Variants in FRMD3 observed in about 807,000 individuals in gnomAD.
FRMD3 encodes FERM domain-containing protein 3.
Under a neutral mutation model 70.2 loss-of-function variants are expected in FRMD3, and 33 were observed. The ratio of observed to expected loss-of-function variants is 0.47; its 90% CI spans 0.36 to 0.63. FRMD3 has a LOEUF of 0.63. Among genes scored for constraint, FRMD3 ranks in the 20% least tolerant of loss-of-function variants. The pLI, the probability that FRMD3 is intolerant of heterozygous loss-of-function variation, is 0.00. For missense variants in FRMD3, 632 were observed against 711.4 expected, an observed-to-expected ratio of 0.89 and a Z score of 1.27; for synonymous variants, 279 against 255.9, an observed-to-expected ratio of 1.09 and a Z score of -0.86.
At chr9:83,351,698 T>TAGAC (rs1824167455) in intron 3 of FRMD3, among the ~76,000 whole-genome samples, 1 of 151,138 alleles carries the variant, frequency 6.6e-6, no homozygotes, top group African/African-American at 2.4e-5. Flanking sequence ...GATAGATAGA[T>TAGAC]AGATAGATAG....
chr9:83,582,791 G>A, the FRMD3 span, among the ~76,000 whole-genome samples: 20 of 152,290 alleles, frequency 1.3e-4, 1 homozygote, highest in East Asian at 3.9e-3. Flanking sequence ...TATTTATGGT[G>A]TCAGTGACTC....
chr9:83,416,850 T>C (rs71498495), intron 1 of FRMD3, among the ~76,000 whole-genome samples: 1,522 of 149,840 alleles, frequency 0.01, 12 homozygotes, highest in Non-Finnish European at 0.016. Context: ...GCAGGAATAG[T>C]GTTCACTATG....
At position 83,538,030 on chromosome 9, in the gene FRMD3, C is replaced by T. The variant is rs1829937616; in HGVS notation, c.147+55G>A. 1 of 1,587,062 alleles carries T rather than the reference C, an allele frequency of 6.3e-7. No homozygotes were observed. Among genetic ancestry groups the T allele is most frequent in the South Asian group, 1.1e-5 (1 of 88,576 alleles). On this transcript the variant is annotated intron_variant, in intron 1 of 13. Transcript: ENST00000304195. The surrounding 1 kb of genome is among the most constrained non-coding windows in gnomAD (Gnocchi z 4.7). ...TGTTCTCGCATGCCCACCGCAAAGG[C>T]CCCCCGCCCTGCTCCCGGCGTGTGC...
intron 1 of FRMD3, among the ~76,000 whole-genome samples, chr9:83,492,410 T>A (rs1163988749): frequency 6.6e-6 from 1 of 152,044 alleles, no homozygotes; most frequent in Non-Finnish European, 1.5e-5. Flanking sequence ...GTTTGGGGAA[T>A]TTTTTTTACC....
chr9:83,512,391 A>G (rs1307127303), intron 1 of FRMD3, among the ~76,000 whole-genome samples: 1 of 152,200 alleles, frequency 6.6e-6, no homozygotes, highest in Admixed American at 6.5e-5. Flanking sequence ...CAAGTTAATG[A>G]ACAACCATAA....
chr9:83,309,684 G>T, intron 9 of FRMD3, 60 bp from the exon 10 acceptor site: 1 of 1,098,356 alleles, frequency 9.1e-7, no homozygotes, highest in Non-Finnish European at 1.3e-6. Context: ...ATTTTCCATG[G>T]GTTTTTTTTT....
intron 1 of FRMD3, among the ~76,000 whole-genome samples, chr9:83,442,591 C>A (rs1386077587): frequency 6.6e-6 from 1 of 151,862 alleles, no homozygotes; most frequent in Non-Finnish European, 1.5e-5. Flanking sequence ...GGAAAGCCAA[C>A]GTATAAAATT....
rs148699087 is a variant in FRMD3, at chr9:83,477,066, G to A, written c.147+61019C>T. On this transcript the variant is annotated intron_variant, in intron 1 of 13. Transcript: ENST00000304195. ...AACAATAAGTAAAATCAACTCAATG[G>A]TTATGAGTCTAGAATGCTGCTACTC... Among the ~76,000 whole-genome samples the A allele has an allele frequency of 4.0e-3, 610 of 152,266 alleles. 5 individuals carry two copies. Among genetic ancestry groups the A allele is most frequent in the African/African-American group, 0.014 (587 of 41,548 alleles).
At chr9:83,556,702 A>T in the FRMD3 span, among the ~76,000 whole-genome samples, 1 of 152,046 alleles carries the variant, frequency 6.6e-6, no homozygotes, top group Admixed American at 6.6e-5. Flanking sequence ...GTATTTCTAA[A>T]AATAATAATA....
At chr9:83,278,385 G>C (rs1416688899) in intron 13 of FRMD3, among the ~76,000 whole-genome samples, 2 of 152,286 alleles carry the variant, frequency 1.3e-5, no homozygotes, top group Admixed American at 1.3e-4. Flanking sequence ...TGGATGAGAG[G>C]ATGGGGATAG....
Position 83,246,841 on chromosome 9 carries a change from A to C in FRMD3, c.*1077T>G, listed in dbSNP as rs1832129829. On this transcript the variant is annotated 3_prime_UTR_variant, in exon 14 of 14. Coordinates refer to ENST00000304195, the MANE Select transcript of FRMD3 (RefSeq NM_174938.6). ...TCAGACAGCGACTGCACTGCTCTTC[A>C]CATCATCGAACGCTGGCATCACCAT... 2.0e-6 allele frequency: 2 copies of C among 985,378 alleles called. No individual in the cohort carries two copies. 61.0% of individuals were successfully genotyped at this position (985,378 alleles called of 1,614,324 possible). A position where few individuals can be genotyped will look rare whatever the true frequency, so the allele number is the denominator to read the frequency against.
chr9:83,350,532 A>C (rs1824112918), intron 3 of FRMD3, among the ~76,000 whole-genome samples: 1 of 149,320 alleles, frequency 6.7e-6, no homozygotes, highest in Non-Finnish European at 1.5e-5. Flanking sequence ...CTGAGGCAGG[A>C]GAATTGCTTG....
At chr9:83,349,004 AT>A (rs1252332420) in intron 4 of FRMD3, among the ~76,000 whole-genome samples, 1 of 152,206 alleles carries the variant, frequency 6.6e-6, no homozygotes, top group Non-Finnish European at 1.5e-5. Flanking sequence ...ATAGCAAGTG[AT>A]TTTTGTGGTC....
intron 1 of FRMD3, among the ~76,000 whole-genome samples, chr9:83,483,271 T>C (rs1828610794): frequency 6.6e-6 from 1 of 152,186 alleles, no homozygotes; most frequent in South Asian, 2.1e-4. Flanking sequence ...TGCTTCCCCT[T>C]TGCCCTTCTG....
chr9:83,390,064 T>C (rs958338176), intron 1 of FRMD3, among the ~76,000 whole-genome samples: 1 of 152,226 alleles, frequency 6.6e-6, no homozygotes, highest in Non-Finnish European at 1.5e-5. Flanking sequence ...GAAACTCTCA[T>C]GTAACACATA....
At chr9:83,260,743 G>A (rs1283969354) in intron 13 of FRMD3, among the ~76,000 whole-genome samples, 1 of 152,028 alleles carries the variant, frequency 6.6e-6, no homozygotes, top group Non-Finnish European at 1.5e-5. Flanking sequence ...CTCTCTACAT[G>A]TTCTATCAGT....
intron 1 of FRMD3, among the ~76,000 whole-genome samples, chr9:83,534,489 A>AG (rs1387627145): frequency 6.6e-6 from 1 of 152,162 alleles, no homozygotes; most frequent in Non-Finnish European, 1.5e-5. Context: ...CAAAGATCCT[A>AG]GGGGGTGGGG....
At chr9:83,263,253 T>C (rs1396524100) in intron 13 of FRMD3, among the ~76,000 whole-genome samples, 1 of 152,190 alleles carries the variant, frequency 6.6e-6, no homozygotes, top group Non-Finnish European at 1.5e-5. Context: ...GGATAATAAA[T>C]CACCTTATTA....
chr9:83,284,071 T>A (rs143269952), intron 13 of FRMD3, among the ~76,000 whole-genome samples: 19,536 of 149,504 alleles, frequency 0.13, 1,433 homozygotes, highest in Non-Finnish European at 0.16. Flanking sequence ...ATTTTTTTTT[T>A]TTTTTTTTTT....
Sources: gnomAD v4.1 joint callset for allele counts (sites outside exome capture counted in the v4.1 genomes callset) on GRCh38, gnomAD v4.1.1 for gene constraint, Gnocchi (gnomAD v3.1) non-coding constraint, MANE v1.5 for transcripts, NCBI Gene and HGNC (gene_info 2026-07-23, HGNC 2026-07-21) for gene names.